The following CHRM3 variants were observed in gnomAD, a reference collection of about 807,000 sequenced individuals.
CHRM3 encodes the protein cholinergic receptor muscarinic 3.
A neutral mutation model predicts 41.8 loss-of-function variants in CHRM3; 11 were observed. That is an observed-to-expected ratio of 0.26 (90% CI 0.17 to 0.44). The LOEUF is 0.44. Ranked by LOEUF, CHRM3 falls within the 20% of genes least tolerant of loss-of-function variation. The pLI, the probability that CHRM3 is intolerant of heterozygous loss-of-function variation, is 1.00. For missense variants in CHRM3, 571 were observed against 745.4 expected, an observed-to-expected ratio of 0.77 and a Z score of 2.72; for synonymous variants, 297 against 301.4, an observed-to-expected ratio of 0.99 and a Z score of 0.15.
At chr1:239,816,035 T>TG (rs1003456712) in intron 5 of CHRM3, among the ~76,000 whole-genome samples, 2 of 152,114 alleles carry the variant, frequency 1.3e-5, no homozygotes, top group Non-Finnish European at 2.9e-5. Context: ...TTTCTCATTC[T>TG]GGGGGGGAAA....
intron 3 of CHRM3, among the ~76,000 whole-genome samples, chr1:239,601,000 A>AG (rs1355537161): frequency 1.3e-5 from 2 of 152,164 alleles, no homozygotes; most frequent in Non-Finnish European, 2.9e-5. Flanking sequence ...TATGTGGGGC[A>AG]GGGGGAGTAA....
rs1680446411 is a variant in CHRM3 at position 239,912,976 on chromosome 1, C to CTCA, written c.*3752_*3753insTCA. The CTCA allele has an allele frequency of 6.0e-6, 1 of 167,044 alleles. No homozygotes were observed. The highest frequency in any genetic ancestry group is 2.4e-5 in the African/African-American group (1 of 41,440). The allele number at this position is 167,044 out of a possible 1,614,324, so 10.3% of individuals were successfully genotyped here. ...TTTTATCCTCATTGCTCAAACTAAG[C>CTCA]AACAACACCGAAGCTTCTCTAATTT... is the stretch of plus-strand genomic sequence containing the variant. On this transcript the variant is annotated 3_prime_UTR_variant, in exon 7 of 7. Transcript: ENST00000676153.
At chr1:239,704,655 G>C (rs1660977287) in intron 5 of CHRM3, 2 of 152,142 alleles carry the variant, frequency 1.3e-5, no homozygotes, top group Non-Finnish European at 2.9e-5. Context: ...AGGAGGAAAG[G>C]TTAGCCCTTC....
rs200918197 is a variant in CHRM3 at position 239,909,185 on chromosome 1, G to A, written c.1734G>A (p.Ser578=). 6.6e-5 allele frequency: 106 copies of A among 1,612,970 alleles called. No individual in the cohort carries two copies. The highest frequency in any genetic ancestry group is 8.6e-5 in the Non-Finnish European group (101 of 1,179,742). ...AGCAGCAGTACCAGCAGAGACAGTC[G>A]GTCATTTTTCACAAGCGCGCACCCG... ...RRKQQYQQRQ[S]VIFHKRAPEQ... is the part of the protein sequence containing the mutation. Residue 578 remains serine (S), a synonymous_variant, in exon 7 of 7, where the codon TCG becomes TCA. Transcript: ENST00000676153.
chr1:239,766,414 A>G (rs1229935070), intron 5 of CHRM3, among the ~76,000 whole-genome samples: 2 of 152,162 alleles, frequency 1.3e-5, no homozygotes, highest in East Asian at 3.9e-4. Flanking sequence ...AAGAAAAACA[A>G]CTAATAGATA....
intron 6 of CHRM3, among the ~76,000 whole-genome samples, chr1:239,868,309 TG>T (rs1223353384): frequency 6.6e-6 from 1 of 152,164 alleles, no homozygotes; most frequent in Non-Finnish European, 1.5e-5. Flanking sequence ...CTGGGCATGT[TG>T]ATTTTACAGC....
chr1:239,760,283 GTGGGTTCTC>G (rs1666648475), intron 5 of CHRM3, among the ~76,000 whole-genome samples: 1 of 152,006 alleles, frequency 6.6e-6, no homozygotes, highest in Non-Finnish European at 1.5e-5. Context: ...TGTCTCCGCA[GTGGGTTCTC>G]CACTCTTGAT....
At chr1:239,798,615 C>G (rs1200726939) in intron 5 of CHRM3, among the ~76,000 whole-genome samples, 1 of 152,160 alleles carries the variant, frequency 6.6e-6, no homozygotes, top group Non-Finnish European at 1.5e-5. Context: ...TCACTCTGCA[C>G]ATCATCAAAC....
intron 3 of CHRM3, among the ~76,000 whole-genome samples, chr1:239,580,258 TCACACACACACA>T (rs374479816): frequency 0.016 from 2,080 of 132,764 alleles, 44 homozygotes; most frequent in African/African-American, 0.048. Context: ...ATACACACTG[TCACACACACACA>T]CACACACACA....
At position 239,915,051 on chromosome 1, in the gene CHRM3, C is replaced by G. The variant is rs1026521681; in HGVS notation, c.*5827C>G. The G allele has an allele frequency of 6.0e-6, 1 of 167,080 alleles. No individual in the cohort carries two copies. The highest frequency in any genetic ancestry group is 2.4e-5 in the African/African-American group (1 of 41,454). 10.3% of individuals were successfully genotyped at this position (167,080 alleles called of 1,614,324 possible). ...TGAGGAATAATTACATAAAAATGGG[C>G]TTCCACGATGGTGAATCAGCATGCT... On this transcript the variant is annotated 3_prime_UTR_variant, in exon 7 of 7. Transcript: ENST00000676153.
intron 5 of CHRM3, among the ~76,000 whole-genome samples, chr1:239,766,684 G>GAT (rs1205222820): frequency 5.3e-5 from 2 of 38,022 alleles, no homozygotes; most frequent in Non-Finnish European, 3.3e-4. Flanking sequence ...TATAGATATA[G>GAT]ATATAGATAT....
intron 2 of CHRM3, among the ~76,000 whole-genome samples, chr1:239,533,679 C>T (rs1340870510): frequency 4.9e-5 from 7 of 141,948 alleles, no homozygotes; most frequent in Non-Finnish European, 9.0e-5. Flanking sequence ...TTCAGTGAGC[C>T]GAGATTGGAC....
chr1:239,783,579 A>G (rs1034232599), intron 5 of CHRM3, among the ~76,000 whole-genome samples: 4 of 152,230 alleles, frequency 2.6e-5, no homozygotes, highest in African/African-American at 9.6e-5. Flanking sequence ...TAGTCAAACA[A>G]TCAAATGCAT....
At chr1:239,398,844 G>A (rs1000097534) in intron 1 of CHRM3, among the ~76,000 whole-genome samples, 2 of 151,968 alleles carry the variant, frequency 1.3e-5, no homozygotes, top group Non-Finnish European at 2.9e-5. Flanking sequence ...TAACCTTTCA[G>A]TTTTAATATA....
At chr1:239,525,435 T>A (rs1669929527) in intron 2 of CHRM3, among the ~76,000 whole-genome samples, 1 of 144,812 alleles carries the variant, frequency 6.9e-6, no homozygotes, top group South Asian at 2.3e-4. Context: ...TTTTTAAATA[T>A]TTTGGTTTTC....
intron 3 of CHRM3, among the ~76,000 whole-genome samples, chr1:239,576,275 C>G (rs1011117034): frequency 2.0e-5 from 3 of 151,976 alleles, no homozygotes; most frequent in Non-Finnish European, 4.4e-5. Context: ...CCCTACCCAC[C>G]CCCATCCCCA....
At chr1:239,417,892 T>C (rs1661628304) in intron 1 of CHRM3, among the ~76,000 whole-genome samples, 1 of 152,314 alleles carries the variant, frequency 6.6e-6, no homozygotes, top group East Asian at 1.9e-4. Flanking sequence ...ACAGATTTTT[T>C]TCCTTGTCAA....
At chr1:239,563,151 CAAG>C (rs1174814682) in intron 3 of CHRM3, among the ~76,000 whole-genome samples, 1 of 151,756 alleles carries the variant, frequency 6.6e-6, no homozygotes, top group East Asian at 1.9e-4. Context: ...ACTGCCTTCT[CAAG>C]AAGAACAATG....
intron 6 of CHRM3, among the ~76,000 whole-genome samples, chr1:239,843,158 C>A (rs771521716): frequency 1.3e-5 from 2 of 152,136 alleles, no homozygotes; most frequent in Non-Finnish European, 2.9e-5. Context: ...AAGGGCCATC[C>A]TTTGGTGACT....
Sources: allele counts gnomAD v4.1 joint callset (sites outside exome capture counted in the v4.1 genomes callset), GRCh38; gene constraint gnomAD v4.1.1; transcripts MANE v1.5; gene names NCBI Gene and HGNC (gene_info 2026-07-23, HGNC 2026-07-21).